BAZ1B: variants seen among roughly 807,000 people sequenced by gnomAD.
The protein encoded by BAZ1B is bromodomain adjacent to zinc finger domain 1B, also known as tyrosine-protein kinase BAZ1B.
BAZ1B carries 22 observed loss-of-function variants against 153.8 expected under a neutral mutation model. The observed-to-expected ratio is 0.14, with a 90% CI of 0.10 to 0.20. BAZ1B has a LOEUF of 0.20. Among genes scored for constraint, BAZ1B ranks in the 10% least tolerant of loss-of-function variants. The pLI, the probability that BAZ1B is intolerant of heterozygous loss-of-function variation, is 1.00. For missense variants in BAZ1B, 1,325 were observed against 1,799.3 expected (o/e 0.74, Z 4.77); for synonymous variants, 676 against 633.4 (o/e 1.07, Z -1.01).
At chr7:73,504,464 C>T (rs1554577510) in intron 3 of BAZ1B, among the ~76,000 whole-genome samples, 1 of 152,020 alleles carries the variant, frequency 6.6e-6, no homozygotes, top group Non-Finnish European at 1.5e-5. Context: ...GAGATCGAGA[C>T]CATCCTGGCT....
At chr7:73,459,408 C>T in intron 13 of BAZ1B, 128 bp downstream of exon 13, 1 of 904,662 alleles carries the variant, frequency 1.1e-6, no homozygotes, top group Non-Finnish European at 1.6e-6. Context: ...AAAAAACACA[C>T]ACACACACAA....
At chr7:73,473,680 C>T (rs1211334548) in intron 7 of BAZ1B, among the ~76,000 whole-genome samples, 2 of 152,188 alleles carry the variant, frequency 1.3e-5, no homozygotes, top group Non-Finnish European at 2.9e-5. Context: ...AAGGAATATA[C>T]ATTTTCTAAT....
At chr7:73,465,362 A>C in intron 11 of BAZ1B, 77 bp downstream of exon 11, 2 of 996,280 alleles carry the variant, frequency 2.0e-6, no homozygotes, top group South Asian at 3.9e-5. Context: ...TAAATGGATA[A>C]GAAAAAAAAC....
chr7:73,477,942 A>G lies in BAZ1B; in HGVS notation c.1519T>C (p.Ser507Pro). Residue 507 changes from serine to proline, a missense_variant, in exon 7 of 20, where the codon TCT becomes CCT. Physicochemically the swap from Ser to Pro is moderately conservative, Grantham distance 74. Transcript: ENST00000339594. The surrounding 1 kb of genome is among the most constrained non-coding windows in gnomAD (Gnocchi z 5.6). ...GGGAGACGAGCTCTATCTTCACTAG[A>G]GAGAAGACGAGCTGTTTTGGAGATA... ...CVISKTARLLSSEDRARLPEE... is the reference protein window; with the variant it reads ...CVISKTARLLPSEDRARLPEE... The G allele has an allele frequency of 1.9e-6, 3 of 1,614,176 alleles. No homozygotes were observed. The highest frequency in any genetic ancestry group is 2.5e-6 in the Non-Finnish European group (3 of 1,180,044).
At chr7:73,463,239 C>CT (rs11340027) in intron 11 of BAZ1B, 140 bp from the exon 12 acceptor site, 22,085 of 462,564 alleles carry the variant, frequency 0.048, no homozygotes, top group South Asian at 0.068. Context: ...TTTCTTTTTT[C>CT]TTTTTTTTTT....
chr7:73,521,994 C>T lies in BAZ1B; in HGVS notation c.-61G>A. On this transcript the variant is annotated 5_prime_UTR_variant, in exon 1 of 20. Coordinates refer to ENST00000339594, the MANE Select transcript of BAZ1B (RefSeq NM_032408.4). ...GCCGGCCCCGCGGCGCAGCACTAGG[C>T]CCCGCGGCCCGGAGCGAGCGCCAGG... 8.4e-7 allele frequency: 1 copy of T among 1,190,144 alleles called. No homozygotes were observed. 73.7% of individuals were successfully genotyped at this position (1,190,144 alleles called of 1,614,324 possible).
Position 73,522,065 on chromosome 7 carries a change from G to T in BAZ1B, c.-132C>A. On this transcript the variant is annotated 5_prime_UTR_variant, in exon 1 of 20. Transcript: ENST00000339594. The stretch of plus-strand genomic sequence containing the variant: ...GAAGGGAGGGGTGAGAGGGCGGCGC[G>T]AACTCCGGCTCCCTCACCGCCGGCG... 5.3e-6 allele frequency: 3 copies of T among 564,154 alleles called. No homozygotes were observed. The highest frequency in any genetic ancestry group is 8.8e-5 in the Admixed American group (2 of 22,700). 34.9% of individuals were successfully genotyped at this position (564,154 alleles called of 1,614,324 possible).
intron 1 of BAZ1B, among the ~76,000 whole-genome samples, chr7:73,511,774 A>G (rs1790588230): frequency 6.6e-6 from 1 of 151,252 alleles, no homozygotes; most frequent in Non-Finnish European, 1.5e-5. Flanking sequence ...TAATCCCAGA[A>G]CTTTGGGAGT....
At chr7:73,521,731 G>C (rs1471080838) in intron 1 of BAZ1B, 96 bp downstream of exon 1, 1 of 1,065,228 alleles carries the variant, frequency 9.4e-7, no homozygotes, top group South Asian at 2.0e-5. Context: ...CAGCTGCCCC[G>C]GGCCGGGGAT....
intron 4 of BAZ1B, 90 bp from the exon 5 acceptor site, chr7:73,493,011 T>G (rs539649974): frequency 1.7e-4 from 226 of 1,358,524 alleles, no homozygotes; most frequent in Middle Eastern, 8.0e-4. Flanking sequence ...ACGTCTGCTC[T>G]TCACTAGGCA....
intron 13 of BAZ1B, among the ~76,000 whole-genome samples, chr7:73,455,286 A>AAG (rs1330642817): frequency 6.6e-6 from 1 of 152,166 alleles, no homozygotes; most frequent in African/African-American, 2.4e-5. Flanking sequence ...AAAAGGAAAG[A>AAG]AGGCAGGGAG....
intron 7 of BAZ1B, among the ~76,000 whole-genome samples, chr7:73,475,947 T>C (rs1394711552): frequency 6.6e-6 from 1 of 151,588 alleles, no homozygotes. Context: ...AAAAAATGTT[T>C]TAGAACTAAA....
chr7:73,511,092 C>G (rs1790559122), intron 1 of BAZ1B, among the ~76,000 whole-genome samples: 1 of 151,848 alleles, frequency 6.6e-6, no homozygotes, highest in Non-Finnish European at 1.5e-5. Context: ...CACGGTGAAA[C>G]CCCGTGTCTA....
At chr7:73,442,072 G>A in intron 19 of BAZ1B, 109 bp downstream of exon 19, 1 of 771,910 alleles carries the variant, frequency 1.3e-6, no homozygotes, top group Non-Finnish European at 2.1e-6. Flanking sequence ...GCATAAGCTT[G>A]GGATGACAGG....
chr7:73,477,290 A>C lies in BAZ1B; in HGVS notation c.2171T>G (p.Val724Gly). The C allele has an allele frequency of 6.2e-7, 1 of 1,614,030 alleles. No individual in the cohort carries two copies. The highest frequency in any genetic ancestry group is 8.5e-7 in the Non-Finnish European group (1 of 1,179,914). Reference protein sequence around the residue: ...KDSAAFEDNEVQDEFLEKLET... With the variant: ...KDSAAFEDNEGQDEFLEKLET... ...CAGCTTTTCTAGGAACTCATCTTGTACCTCATTATCCTCAAATGCAGCTGA... is the reference window on the plus strand; with the variant it reads ...CAGCTTTTCTAGGAACTCATCTTGTCCCTCATTATCCTCAAATGCAGCTGA... The change falls in exon 7 of 20, where the codon GTA becomes GGA. Residue 724 changes from valine (V) to glycine (G), a missense_variant. Physicochemically the swap from Val to Gly is moderately radical, Grantham distance 109. Transcript: ENST00000339594. This position sits in a 1 kb window ranked among gnomAD's most constrained non-coding sequence, Gnocchi z 5.6.
Position 73,440,596 on chromosome 7 carries a change from G to A in BAZ1B, c.*1113C>T, listed in dbSNP as rs1447167815. 5.9e-5 allele frequency: 9 copies of A among 152,200 alleles called. No individual in the cohort carries two copies. The highest frequency in any genetic ancestry group is 5.9e-4 in the Admixed American group (9 of 15,282). The allele number at this position is 152,200 out of a possible 1,614,324, so 9.4% of individuals were successfully genotyped here. On this transcript the variant is annotated 3_prime_UTR_variant, in exon 20 of 20. Transcript: ENST00000339594. ...AAGAACAGACTGGATGTAGGAGGCA[G>A]GGGAAGCTGGCGGTGGTGGGGTTAT...
rs1789538051 is a variant in BAZ1B, at chr7:73,489,235, G to C, written c.850C>G (p.Leu284Val). Residue 284 changes from leucine (L) to valine (V), a missense_variant, in exon 6 of 20, where the codon CTG (leucine) becomes GTG (valine). Around this residue, in one of 9 missense-constraint regions of BAZ1B, gnomAD observed 219 missense variants for 248.2 expected, o/e 0.88. Transcript: ENST00000339594. ...VEDELVKKYS[L>V]PSKFSDFLLD... ...AAAAAGTCACTGAACTTGCTGGGCA[G>C]AGAGTATTTCTTCACCAATTCATCT... The C allele has an allele frequency of 6.2e-7, 1 of 1,614,098 alleles. No individual in the cohort carries two copies. The highest frequency in any genetic ancestry group is 1.3e-5 in the African/African-American group (1 of 74,938).
intron 12 of BAZ1B, among the ~76,000 whole-genome samples, chr7:73,460,277 C>A (rs1004918827): frequency 2.0e-5 from 3 of 151,914 alleles, no homozygotes; most frequent in Admixed American, 6.6e-5. Flanking sequence ...GAAGCCCCCC[C>A]ACATAAAGGA....
intron 3 of BAZ1B, among the ~76,000 whole-genome samples, chr7:73,501,826 T>C (rs150191866): frequency 3.2e-3 from 482 of 152,270 alleles, no homozygotes; most frequent in Middle Eastern, 0.014. Flanking sequence ...CTAAGCTAGA[T>C]TCCCCTGATT....
Sources: gnomAD v4.1 joint callset for allele counts (sites outside exome capture counted in the v4.1 genomes callset) on GRCh38, gnomAD v4.1.1 for gene constraint, gnomAD v4.1.1 regional missense constraint, Gnocchi (gnomAD v3.1) non-coding constraint, MANE v1.5 for transcripts, NCBI Gene and HGNC (gene_info 2026-07-23, HGNC 2026-07-21) for gene names.